PRMT1: variants seen among roughly 807,000 people sequenced by gnomAD.
The protein encoded by PRMT1 is protein arginine N-methyltransferase 1.
PRMT1 carries 5 observed loss-of-function variants against 47.4 expected under a neutral mutation model. The observed-to-expected ratio is 0.11, with a 90% CI of 0.06 to 0.22. The LOEUF (loss-of-function observed/expected upper bound fraction) is 0.22, where lower values mean the gene tolerates loss of function less well. Ranked by LOEUF, PRMT1 falls within the 10% of genes least tolerant of loss-of-function variation. The pLI is 1.00. For synonymous variants in PRMT1, 227 were observed against 204.6 expected, an observed-to-expected ratio of 1.11 and a Z score of -0.94; for missense variants, 249 against 518.4, an observed-to-expected ratio of 0.48 and a Z score of 5.05.
In PRMT1 at chr19:49,685,428, T is replaced by A; in HGVS notation, c.759+391T>A. The A allele has an allele frequency of 8.4e-7, 1 of 1,185,954 alleles. No individual in the cohort carries two copies. 73.5% of individuals were successfully genotyped at this position (1,185,954 alleles called of 1,614,324 possible). A position where few individuals can be genotyped will look rare whatever the true frequency, so the allele number is the denominator to read the frequency against. On this transcript the variant is annotated intron_variant, in intron 8 of 10. Coordinates refer to ENST00000454376, the MANE Select transcript of PRMT1 (RefSeq NM_001536.6). The surrounding 1 kb of genome is among the most constrained non-coding windows in gnomAD (Gnocchi z 4.7). The stretch of plus-strand genomic sequence containing the variant: ...GTCCCAGCTACTCGGGAGGATCACT[T>A]GGGCCTGGGAGTTCAAGGCTGCAGT...
upstream of PRMT1, chr19:49,677,225 G>A (rs2082047049): frequency 2.1e-6 from 3 of 1,399,068 alleles, no homozygotes; most frequent in Admixed American, 2.9e-5. Context: ...GGTCCCGGGG[G>A]AGTGAGGAGA....
chr19:49,682,111 GGGGAGCCCATCA>G, intron 4 of PRMT1, 46 bp downstream of exon 4: 10 of 1,613,770 alleles, frequency 6.2e-6, no homozygotes, highest in Non-Finnish European at 8.5e-6. Flanking sequence ...GAGGGATGGA[GGGGAGCCCATCA>G]GGGCTCAGGG....
rs1292755743 is a variant in PRMT1, at chr19:49,681,629, TTG to T, written c.193-280_193-279del. On this transcript the variant is annotated intron_variant, in intron 3 of 10. Coordinates refer to ENST00000454376, the MANE Select transcript of PRMT1 (RefSeq NM_001536.6). The surrounding 1 kb of genome is among the most constrained non-coding windows in gnomAD (Gnocchi z 4.4). ...GGTGTGCACCTATAATCTCAGCTACTTGGGAGGCTGAGGCAGGAGAATCACTT... is the reference window on the plus strand; with the variant it reads ...GGTGTGCACCTATAATCTCAGCTACTGGAGGCTGAGGCAGGAGAATCACTT... Among the ~76,000 whole-genome samples, 3 of 151,812 alleles carry T rather than the reference TTG, an allele frequency of 2.0e-5. No individual in the cohort carries two copies. Among genetic ancestry groups the T allele is most frequent in the African/African-American group, 7.3e-5 (3 of 41,284 alleles).
chr19:49,686,142 C>T lies in PRMT1; in HGVS notation c.809C>T (p.Pro270Leu). ...VKVEDLTFTS[P>L]FCLQVKRNDY... is the part of the protein sequence containing the mutation. ...GTGGAAGACCTGACCTTCACCTCCC[C>T]GTTCTGCCTGCAAGTGAAGCGGAAT... The change falls in exon 9 of 11, where the codon CCG (proline) becomes CTG (leucine). Residue 270 changes from proline (P) to leucine (L), a missense_variant. By Grantham distance (98) the Pro-to-Leu change is moderately conservative. Transcript: ENST00000454376. The T allele has an allele frequency of 6.2e-7, 1 of 1,614,072 alleles. No homozygotes were observed. The highest frequency in any genetic ancestry group is 8.5e-7 in the Non-Finnish European group (1 of 1,179,968).
At position 49,685,203 on chromosome 19, in the gene PRMT1, T is replaced by G. The variant is rs775162843; in HGVS notation, c.759+166T>G. 2 of 1,533,194 alleles carry G rather than the reference T, an allele frequency of 1.3e-6. No individual in the cohort carries two copies. The highest frequency in any genetic ancestry group is 2.4e-5 in the South Asian group (2 of 82,970). The allele number at this position is 1,533,194 out of a possible 1,614,324, so 95.0% of individuals were successfully genotyped here. A position where few individuals can be genotyped will look rare whatever the true frequency, so the allele number is the denominator to read the frequency against. On this transcript the variant is annotated intron_variant, in intron 8 of 10. Transcript: ENST00000454376. This position sits in a 1 kb window ranked among gnomAD's most constrained non-coding sequence, Gnocchi z 4.7. ...AGGCCCAGGAAAGACACTTCGTCCTTTAAATATCTTTGTGAGCGCTGCTGT... is the reference window on the plus strand; with the variant it reads ...AGGCCCAGGAAAGACACTTCGTCCTGTAAATATCTTTGTGAGCGCTGCTGT...
chr19:49,688,215 G>T lies in PRMT1; in HGVS notation c.1086G>T (p.Leu362=), dbSNP rs1429911355. The T allele has an allele frequency of 6.2e-7, 1 of 1,614,002 alleles. No individual in the cohort carries two copies. Among genetic ancestry groups the T allele is most frequent in the Non-Finnish European group, 8.5e-7 (1 of 1,179,936 alleles). The change falls in exon 11 of 11, where the codon CTG becomes CTT. Residue 362 remains leucine (L), a synonymous_variant. Coordinates refer to ENST00000454376, the MANE Select transcript of PRMT1 (RefSeq NM_001536.6). The surrounding 1 kb of genome is among the most constrained non-coding windows in gnomAD (Gnocchi z 5.3). ...ACTTCAAGGGCCAGCTGTGCGAGCTGTCCTGCTCCACCGACTACCGGATGC... is the reference window on the plus strand; with the variant it reads ...ACTTCAAGGGCCAGCTGTGCGAGCTTTCCTGCTCCACCGACTACCGGATGC... ...DLDFKGQLCE[L]SCSTDYRMR is the part of the protein sequence containing the mutation.
At position 49,688,039 on chromosome 19, in the gene PRMT1, G is replaced by T. The variant is rs529448122; in HGVS notation, c.1033-123G>T. Reference sequence around the variant, plus strand: ...TGCTAGGGTGGGACCAGCAGTTGGGGTCTGCAGCGTGGAGATGGGCAGGAA... The same window carrying T: ...TGCTAGGGTGGGACCAGCAGTTGGGTTCTGCAGCGTGGAGATGGGCAGGAA... On this transcript the variant is annotated intron_variant, in intron 10 of 10. Transcript: ENST00000454376. This position sits in a 1 kb window ranked among gnomAD's most constrained non-coding sequence, Gnocchi z 5.3. 2.8e-5 allele frequency: 25 copies of T among 884,266 alleles called. No individual in the cohort carries two copies. Among genetic ancestry groups the T allele is most frequent in the Non-Finnish European group, 4.6e-5 (24 of 525,712 alleles). The allele number at this position is 884,266 out of a possible 1,614,324, so 54.8% of individuals were successfully genotyped here.
chr19:49,677,532 T>TC, intron 1 of PRMT1: 1 of 402,984 alleles, frequency 2.5e-6, no homozygotes, highest in Non-Finnish European at 4.4e-6. Flanking sequence ...GAGGGTCTTA[T>TC]CCCCCCTCCC....
At position 49,680,840 on chromosome 19, in the gene PRMT1, C is replaced by T. The variant is rs1254933547; in HGVS notation, c.192+252C>T. On this transcript the variant is annotated intron_variant, in intron 3 of 10. Coordinates refer to ENST00000454376, the MANE Select transcript of PRMT1 (RefSeq NM_001536.6). The surrounding 1 kb of genome is among the most constrained non-coding windows in gnomAD (Gnocchi z 4.2). ...GCGCATGCGTGCCTGGGGCCTTAGC[C>T]AGAGGTCGGGCAGGGCCCACTGGTC... 7.2e-5 allele frequency among the ~76,000 whole-genome samples: 11 copies of T among 152,228 alleles called. No individual in the cohort carries two copies. Among genetic ancestry groups the T allele is most frequent in the Non-Finnish European group, 1.5e-4 (10 of 68,038 alleles).
chr19:49,688,380 C>T lies in PRMT1; in HGVS notation c.*135C>T, dbSNP rs1014838586. 3 of 751,562 alleles carry T rather than the reference C, an allele frequency of 4.0e-6. No homozygotes were observed. The Admixed American group carries it at 7.0e-5, about 17-fold the overall frequency. The allele number at this position is 751,562 out of a possible 1,614,324, so 46.6% of individuals were successfully genotyped here. A position where few individuals can be genotyped will look rare whatever the true frequency, so the allele number is the denominator to read the frequency against. On this transcript the variant is annotated 3_prime_UTR_variant, in exon 11 of 11. Coordinates refer to ENST00000454376, the MANE Select transcript of PRMT1 (RefSeq NM_001536.6). The surrounding 1 kb of genome is among the most constrained non-coding windows in gnomAD (Gnocchi z 5.3). ...GGCTGGGGGGATGGGGAGGGCACAT[C>T]GTGACTGTGTTTTTCATAACTTATG...
chr19:49,679,852 T>C lies in PRMT1; in HGVS notation c.37-20T>C. On this transcript the variant is annotated intron_variant, in intron 1 of 10. Transcript: ENST00000454376. ...GCCACTCCCAGTAGCTAATCCTTTT[T>C]CCCTGTTACTCTCTCCTAGAATTTT... The C allele has an allele frequency of 1.9e-6, 3 of 1,606,516 alleles. No homozygotes were observed. The highest frequency in any genetic ancestry group is 2.6e-6 in the Non-Finnish European group (3 of 1,173,988).
At chr19:49,676,653 C>T (rs2082041678), upstream of PRMT1, among the ~76,000 whole-genome samples, 1 of 152,166 alleles carries the variant, frequency 6.6e-6, no homozygotes, top group African/African-American at 2.4e-5. Context: ...GTAATGAGCA[C>T]AAGCTCCCTT....
At chr19:49,687,849 G>A in intron 10 of PRMT1, 1 of 455,794 alleles carries the variant, frequency 2.2e-6, no homozygotes, top group African/African-American at 2.0e-5. Flanking sequence ...GGGCTTGGGA[G>A]AGGTTTTCTT....
Position 49,686,753 on chromosome 19 carries a change from G to A in PRMT1, c.1032+27G>A. ...TGAGGCTCCGGGCAGCTGGGTGGGA[G>A]GGTGGCAGCTAGGGCGGGGAGTGTA... On this transcript the variant is annotated intron_variant, in intron 10 of 10. Coordinates refer to ENST00000454376, the MANE Select transcript of PRMT1 (RefSeq NM_001536.6). The A allele has an allele frequency of 6.3e-7, 1 of 1,596,804 alleles. No individual in the cohort carries two copies. Among genetic ancestry groups the A allele is most frequent in the South Asian group, 1.1e-5 (1 of 90,316 alleles).
chr19:49,686,917 C>T (rs2082216411), intron 10 of PRMT1, among the ~76,000 whole-genome samples, 191 bp downstream of exon 10: 1 of 152,072 alleles, frequency 6.6e-6, no homozygotes. Context: ...CAGCCCCATG[C>T]CTGTCTACAC....
chr19:49,685,314 C>A lies in PRMT1; in HGVS notation c.759+277C>A. The stretch of plus-strand genomic sequence containing the variant: ...AGCCCACAGCCCATGCACGGAAAGG[C>A]AGGACCCCAGGGCGATGAGCGGATG... On this transcript the variant is annotated intron_variant, in intron 8 of 10. Coordinates refer to ENST00000454376, the MANE Select transcript of PRMT1 (RefSeq NM_001536.6). The surrounding 1 kb of genome is among the most constrained non-coding windows in gnomAD (Gnocchi z 4.7). 1 of 1,366,816 alleles carries A rather than the reference C, an allele frequency of 7.3e-7. No homozygotes were observed. The allele number at this position is 1,366,816 out of a possible 1,614,324, so 84.7% of individuals were successfully genotyped here.
At position 49,685,111 on chromosome 19, in the gene PRMT1, G is replaced by A. The variant is rs1240603691; in HGVS notation, c.759+74G>A. ...AGGCCATCACCTGGCCCTGGCATGG[G>A]ACTTTGGGGCCCAGAATGTTGGCCT... is the stretch of plus-strand genomic sequence containing the variant. On this transcript the variant is annotated intron_variant, in intron 8 of 10. Coordinates refer to ENST00000454376, the MANE Select transcript of PRMT1 (RefSeq NM_001536.6). The surrounding 1 kb of genome is among the most constrained non-coding windows in gnomAD (Gnocchi z 4.7). 1 of 1,598,968 alleles carries A rather than the reference G, an allele frequency of 6.3e-7. No individual in the cohort carries two copies. The highest frequency in any genetic ancestry group is 2.3e-5 in the East Asian group (1 of 44,292).
chr19:49,682,626 T>C (rs865947905), intron 5 of PRMT1, among the ~76,000 whole-genome samples: 2 of 152,238 alleles, frequency 1.3e-5, no homozygotes, highest in African/African-American at 4.8e-5. Flanking sequence ...TAAATGCATT[T>C]ACATTCTCGT....
At position 49,677,448 on chromosome 19, in the gene PRMT1, C is replaced by T. The variant is rs536071681; in HGVS notation, c.36+132C>T. 640 of 697,252 alleles carry T rather than the reference C, an allele frequency of 9.2e-4. 2 individuals carry two copies. The highest frequency in any genetic ancestry group is 1.2e-3 in the Non-Finnish European group (572 of 479,256). 43.2% of individuals were successfully genotyped at this position (697,252 alleles called of 1,614,324 possible). A position where few individuals can be genotyped will look rare whatever the true frequency, so the allele number is the denominator to read the frequency against. On this transcript the variant is annotated intron_variant, in intron 1 of 10. Coordinates refer to ENST00000454376, the MANE Select transcript of PRMT1 (RefSeq NM_001536.6). ...CCCCGCCGCACACGGGGGCGCCGCA[C>T]GTTCCACATCCGGGGATATCGTTTG... is the stretch of plus-strand genomic sequence containing the variant.
Sources: gnomAD v4.1 joint callset for allele counts (sites outside exome capture counted in the v4.1 genomes callset) on GRCh38, gnomAD v4.1.1 for gene constraint, Gnocchi (gnomAD v3.1) non-coding constraint, MANE v1.5 for transcripts, NCBI Gene and HGNC (gene_info 2026-07-23, HGNC 2026-07-21) for gene names.